LIMK2: variants seen among roughly 807,000 people sequenced by gnomAD.
LIMK2 encodes the protein LIM domain kinase 2.
Under a neutral mutation model 75.7 loss-of-function variants are expected in LIMK2, and 35 were observed. The observed-to-expected ratio is 0.46, with a 90% CI of 0.35 to 0.61. The LOEUF (loss-of-function observed/expected upper bound fraction) is 0.61, where lower values mean the gene tolerates loss of function less well. Ranked by LOEUF, LIMK2 falls within the 20% of genes least tolerant of loss-of-function variation. The pLI is 0.00. For missense variants in LIMK2, 623 were observed against 831.0 expected, an observed-to-expected ratio of 0.75 and a Z score of 3.08; for synonymous variants, 301 against 319.2, an observed-to-expected ratio of 0.94 and a Z score of 0.61.
chr22:31,256,450 C>CGAGG (rs2048783001), intron 2 of LIMK2, among the ~76,000 whole-genome samples: 1 of 151,752 alleles, frequency 6.6e-6, no homozygotes, highest in South Asian at 2.1e-4. Flanking sequence ...CAGTGATTCT[C>CGAGG]CTGCCTCAGC....
rs1280271482 is a variant in LIMK2 at position 31,262,501 on chromosome 22, G to C, written c.658-94G>C. On this transcript the variant is annotated intron_variant, in intron 6 of 15. Coordinates refer to ENST00000331728, the MANE Select transcript of LIMK2 (RefSeq NM_005569.4). This position sits in a 1 kb window ranked among gnomAD's most constrained non-coding sequence, Gnocchi z 5.0. ...TAAAGGCCACCATTAGACAAGTTGA[G>C]CACTGGCCACACTGTGCCTGAGTCA... 8.1e-7 allele frequency: 1 copy of C among 1,240,520 alleles called. No homozygotes were observed. The highest frequency in any genetic ancestry group is 1.1e-6 in the Non-Finnish European group (1 of 871,074). 76.8% of individuals were successfully genotyped at this position (1,240,520 alleles called of 1,614,324 possible).
At chr22:31,248,321 C>T in intron 2 of LIMK2, 1 of 1,206,262 alleles carries the variant, frequency 8.3e-7, no homozygotes, top group Non-Finnish European at 1.1e-6. Flanking sequence ...TTCCTCCCTC[C>T]CTCCCTCATT....
chr22:31,261,142 C>T lies in LIMK2; in HGVS notation c.552-992C>T, dbSNP rs572885179. Among the ~76,000 whole-genome samples the T allele has an allele frequency of 3.3e-5, 5 of 152,072 alleles. No homozygotes were observed. In the East Asian group the frequency reaches 7.8e-4, roughly 24 times the overall value. ...ACCAACCTGGCCAACATAGCAAGAC[C>T]CCGTCTCTGTTTTTCTTAATTAAAA... On this transcript the variant is annotated intron_variant, in intron 5 of 15. Transcript: ENST00000331728.
chr22:31,263,564 G>T (rs2048861901), intron 7 of LIMK2, among the ~76,000 whole-genome samples: 1 of 152,112 alleles, frequency 6.6e-6, no homozygotes, highest in South Asian at 2.1e-4. Flanking sequence ...TCTTGGCCAG[G>T]CACCGTGGCT....
chr22:31,248,414 AGT>A (rs1007994523), intron 2 of LIMK2: 4 of 1,407,744 alleles, frequency 2.8e-6, no homozygotes, highest in Non-Finnish European at 1.9e-6. Flanking sequence ...CAAGAATGCC[AGT>A]GTGTGTGTAG....
chr22:31,236,308 A>AC (rs1051674983), intron 2 of LIMK2, among the ~76,000 whole-genome samples: 10 of 150,332 alleles, frequency 6.7e-5, no homozygotes, highest in African/African-American at 2.2e-4. Context: ...AAAAAAAAAA[A>AC]AAACAAACTG....
At chr22:31,272,756 C>G in intron 13 of LIMK2, 52 bp downstream of exon 13, 1 of 1,522,878 alleles carries the variant, frequency 6.6e-7, no homozygotes, top group Non-Finnish European at 8.8e-7. Context: ...ACAGATGCTG[C>G]CCTTGCATCA....
At chr22:31,212,510 G>A in intron 1 of LIMK2, 86 bp downstream of exon 1, 2 of 1,282,002 alleles carry the variant, frequency 1.6e-6, no homozygotes, top group Non-Finnish European at 2.0e-6. Context: ...TGTCTCTCGG[G>A]GGTTTCGGGC....
rs1235770219 is a variant in LIMK2 at position 31,262,223 on chromosome 22, C to T, written c.641C>T (p.Thr214Ile). Residue 214 changes from threonine (T) to isoleucine (I), a missense_variant, in exon 6 of 16, where the codon ACA (threonine) becomes ATA (isoleucine). Coordinates refer to ENST00000331728, the MANE Select transcript of LIMK2 (RefSeq NM_005569.4). This position sits in a 1 kb window ranked among gnomAD's most constrained non-coding sequence, Gnocchi z 5.0. ...ILEINGTPVRTLRVEEVEDAI... is the reference protein window; with the variant it reads ...ILEINGTPVRILRVEEVEDAI... ...GAGATCAATGGGACCCCCGTCCGCA[C>T]ACTTCGAGTGGAGGAGGTAGAGTGT... The T allele has an allele frequency of 6.2e-7, 1 of 1,613,044 alleles. No individual in the cohort carries two copies. The highest frequency in any genetic ancestry group is 8.5e-7 in the Non-Finnish European group (1 of 1,178,952).
In LIMK2 at chr22:31,259,884, C is replaced by A. The variant is rs377106908; in HGVS notation, c.363-5C>A. The stretch of plus-strand genomic sequence containing the variant: ...ATCTTATTCCCCCCTGTGCCCTCTC[C>A]CCAGTGGGAAGTGCCACAATGAGGT... On this transcript the variant is annotated splice_region_variant and splice_polypyrimidine_tract_variant and intron_variant, in intron 4 of 15. Coordinates refer to ENST00000331728, the MANE Select transcript of LIMK2 (RefSeq NM_005569.4). 1 of 1,603,832 alleles carries A rather than the reference C, an allele frequency of 6.2e-7. No homozygotes were observed. The highest frequency in any genetic ancestry group is 1.3e-5 in the African/African-American group (1 of 74,284).
Position 31,262,515 on chromosome 22 carries a change from G to A in LIMK2, c.658-80G>A. ...AGACAAGTTGAGCACTGGCCACACT[G>A]TGCCTGAGTCATCTGGGTTGGCCAT... is the stretch of plus-strand genomic sequence containing the variant. On this transcript the variant is annotated intron_variant, in intron 6 of 15. Transcript: ENST00000331728. This position sits in a 1 kb window ranked among gnomAD's most constrained non-coding sequence, Gnocchi z 5.0. The A allele has an allele frequency of 1.4e-6, 2 of 1,384,770 alleles. No individual in the cohort carries two copies. The highest frequency in any genetic ancestry group is 1.0e-6 in the Non-Finnish European group (1 of 994,534). The allele number at this position is 1,384,770 out of a possible 1,614,324, so 85.8% of individuals were successfully genotyped here. A position where few individuals can be genotyped will look rare whatever the true frequency, so the allele number is the denominator to read the frequency against.
chr22:31,262,215 C>T lies in LIMK2; in HGVS notation c.633C>T (p.Pro211=), dbSNP rs781151105. The T allele has an allele frequency of 4.3e-6, 7 of 1,613,618 alleles. No individual in the cohort carries two copies. Among genetic ancestry groups the T allele is most frequent in the African/African-American group, 2.7e-5 (2 of 74,928 alleles). The change falls in exon 6 of 16, where the codon CCC becomes CCT. Residue 211 remains proline, a synonymous_variant. Transcript: ENST00000331728. This position sits in a 1 kb window ranked among gnomAD's most constrained non-coding sequence, Gnocchi z 5.0. ...GDRILEINGT[P]VRTLRVEEVE... ...GCATCCTGGAGATCAATGGGACCCC[C>T]GTCCGCACACTTCGAGTGGAGGAGG...
intron 2 of LIMK2, among the ~76,000 whole-genome samples, chr22:31,242,884 A>G (rs991826591): frequency 1.3e-5 from 2 of 152,212 alleles, no homozygotes; most frequent in African/African-American, 4.8e-5. Flanking sequence ...TTCTCATTTA[A>G]TGCTCATAAC....
Position 31,262,690 on chromosome 22 carries a change from C to G in LIMK2, c.753C>G (p.Ala251=). ...SQRLDQLRLE[A]RLAPHMQNAG... Reference sequence around the variant, plus strand: ...GCCTGGACCAGCTGCGGCTGGAGGCCCGGCTCGCTCCTCACATGCAGAATG... The same window carrying G: ...GCCTGGACCAGCTGCGGCTGGAGGCGCGGCTCGCTCCTCACATGCAGAATG... Residue 251 remains alanine (A), a synonymous_variant, in exon 7 of 16, where the codon GCC becomes GCG. Coordinates refer to ENST00000331728, the MANE Select transcript of LIMK2 (RefSeq NM_005569.4). This position sits in a 1 kb window ranked among gnomAD's most constrained non-coding sequence, Gnocchi z 5.0. 6.2e-7 allele frequency: 1 copy of G among 1,614,178 alleles called. No individual in the cohort carries two copies. Among genetic ancestry groups the G allele is most frequent in the Non-Finnish European group, 8.5e-7 (1 of 1,180,032 alleles).
At chr22:31,235,398 T>C (rs1192559863) in intron 2 of LIMK2, among the ~76,000 whole-genome samples, 1 of 152,184 alleles carries the variant, frequency 6.6e-6, no homozygotes, top group Non-Finnish European at 1.5e-5. Context: ...GTTAAAGCTT[T>C]GTCTTTTGCC....
chr22:31,219,773 C>T (rs1001478987), intron 1 of LIMK2, among the ~76,000 whole-genome samples: 5 of 152,090 alleles, frequency 3.3e-5, no homozygotes, highest in African/African-American at 7.2e-5. Context: ...AGGGTTTCAC[C>T]GTGTTAGCCA....
chr22:31,277,001 A>G lies in LIMK2; in HGVS notation c.1773-1296A>G, dbSNP rs760163133. 6 of 1,613,960 alleles carry G rather than the reference A, an allele frequency of 3.7e-6. No homozygotes were observed. In the East Asian group the frequency reaches 1.1e-4, roughly 30 times the overall value. On this transcript the variant is annotated intron_variant, in intron 15 of 15. Transcript: ENST00000331728. ...GAGATTGACGTGGATGAGCTCCTGGACATGGAGAGTGACGATGCCTGGGCT... is the reference window on the plus strand; with the variant it reads ...GAGATTGACGTGGATGAGCTCCTGGGCATGGAGAGTGACGATGCCTGGGCT...
chr22:31,242,270 A>ACTGT (rs779866034), intron 2 of LIMK2, among the ~76,000 whole-genome samples: 1 of 152,220 alleles, frequency 6.6e-6, no homozygotes, highest in Non-Finnish European at 1.5e-5. Context: ...CTAAGTGCTT[A>ACTGT]CTGTCCACTT....
intron 3 of LIMK2, 144 bp from the exon 4 acceptor site, chr22:31,258,977 A>C: frequency 1.7e-6 from 1 of 579,416 alleles, no homozygotes; most frequent in African/African-American, 1.9e-5. Flanking sequence ...CTTCCTTTGG[A>C]AGCTCTAGGG....
Sources: allele counts gnomAD v4.1 joint callset (sites outside exome capture counted in the v4.1 genomes callset), GRCh38; gene constraint gnomAD v4.1.1; non-coding constraint Gnocchi (gnomAD v3.1); transcripts MANE v1.5; gene names NCBI Gene and HGNC (gene_info 2026-07-23, HGNC 2026-07-21).